The following RAD54B variants were observed in gnomAD, a reference collection of about 807,000 sequenced individuals.
RAD54B encodes the protein RAD54 homolog B.
In RAD54B, 78 loss-of-function variants were observed where a neutral mutation model predicts 95.8. The observed-to-expected ratio is 0.81, with a 90% confidence interval of 0.68 to 0.98. The LOEUF (loss-of-function observed/expected upper bound fraction) is 0.98. Among genes scored for constraint, RAD54B ranks in the 50% least tolerant of loss-of-function variants. The pLI is 0.00. For synonymous variants in RAD54B, 328 were observed against 354.9 expected, an observed-to-expected ratio of 0.92 and a Z score of 0.85; for missense variants, 957 against 1,056.6, an observed-to-expected ratio of 0.91 and a Z score of 1.31.
At chr8:94,409,489 G>T (rs1811476733) in intron 4 of RAD54B, among the ~76,000 whole-genome samples, 1 of 151,802 alleles carries the variant, frequency 6.6e-6, no homozygotes, top group Non-Finnish European at 1.5e-5. Context: ...TCCTGCCTCA[G>T]TCTCCCAAGT....
At chr8:94,394,714 G>T (rs887938632) in intron 8 of RAD54B, among the ~76,000 whole-genome samples, 1 of 152,006 alleles carries the variant, frequency 6.6e-6, no homozygotes, top group Non-Finnish European at 1.5e-5. Context: ...AGTGCCAAAA[G>T]AACATATAAA....
intron 3 of RAD54B, among the ~76,000 whole-genome samples, chr8:94,454,255 G>T (rs1390421941): frequency 1.3e-5 from 2 of 152,108 alleles, no homozygotes; most frequent in South Asian, 2.1e-4. Flanking sequence ...ATTAGTGGTT[G>T]CCAGGGGCTG....
intron 3 of RAD54B, chr8:94,429,137 G>A (rs1812018994): frequency 1.0e-6 from 1 of 983,290 alleles, no homozygotes; most frequent in South Asian, 4.7e-5. Context: ...TGTGATTCTG[G>A]TGTTTAAAAA....
In RAD54B at chr8:94,442,443, C is replaced by T. The variant is rs545869142; in HGVS notation, c.304+15825G>A. 7.4e-3 allele frequency among the ~76,000 whole-genome samples: 1,122 copies of T among 152,018 alleles called. 6 individuals carry two copies. The highest frequency in any genetic ancestry group is 0.011 in the Non-Finnish European group (760 of 67,964). On this transcript the variant is annotated intron_variant, in intron 3 of 14. Transcript: ENST00000336148. ...ACAAAACATTAGCCAGGCGTGGTGGCAGGCGCCTGTAGTCCCAGCTACTCG... is the reference window on the plus strand; with the variant it reads ...ACAAAACATTAGCCAGGCGTGGTGGTAGGCGCCTGTAGTCCCAGCTACTCG...
chr8:94,393,705 C>T (rs781572108), intron 9 of RAD54B, 38 bp downstream of exon 9: 15 of 1,500,668 alleles, frequency 1.0e-5, no homozygotes, highest in East Asian at 4.6e-5. Context: ...CTCAGACATA[C>T]GGCTTTTTAA....
chr8:94,408,452 T>C (rs1811447677), intron 4 of RAD54B, among the ~76,000 whole-genome samples: 1 of 152,126 alleles, frequency 6.6e-6, no homozygotes, highest in Non-Finnish European at 1.5e-5. Flanking sequence ...GTAGTTATTG[T>C]GCCATTACCA....
chr8:94,415,332 G>A (rs1353394838), intron 3 of RAD54B, among the ~76,000 whole-genome samples: 3 of 144,378 alleles, frequency 2.1e-5, no homozygotes, highest in East Asian at 4.1e-4. Context: ...AGCTGAAACT[G>A]GATCCCTTCC....
intron 9 of RAD54B, chr8:94,393,289 A>C (rs1811066001): frequency 6.5e-6 from 1 of 153,164 alleles, no homozygotes; most frequent in South Asian, 2.1e-4. Flanking sequence ...CAAATAGGAG[A>C]CTCTTGTCTA....
chr8:94,393,352 C>T (rs77849399), intron 9 of RAD54B: 5,335 of 170,830 alleles, frequency 0.031, 122 homozygotes, highest in Non-Finnish European at 0.046. Flanking sequence ...CACCTGCAGT[C>T]CCAGCTACTC....
At chr8:94,409,097 T>C (rs900732492) in intron 4 of RAD54B, among the ~76,000 whole-genome samples, 1 of 152,140 alleles carries the variant, frequency 6.6e-6, no homozygotes, top group East Asian at 1.9e-4. Context: ...CTTTCAGTTT[T>C]CTTAGCACCT....
intron 3 of RAD54B, chr8:94,430,709 T>C (rs898700193): frequency 2.2e-6 from 2 of 928,994 alleles, no homozygotes; most frequent in African/African-American, 3.6e-5. Flanking sequence ...TATAATGTTT[T>C]AAAAGCATTT....
At chr8:94,452,893 G>A (rs1262608072) in intron 3 of RAD54B, among the ~76,000 whole-genome samples, 1 of 152,070 alleles carries the variant, frequency 6.6e-6, no homozygotes, top group Non-Finnish European at 1.5e-5. Flanking sequence ...AACTTAGATT[G>A]TCAAATATCA....
chr8:94,405,932 C>T (rs1213889154), intron 5 of RAD54B, among the ~76,000 whole-genome samples: 3 of 151,460 alleles, frequency 2.0e-5, no homozygotes, highest in Middle Eastern at 3.2e-3. Flanking sequence ...AAGTCTACAA[C>T]CTAATTCTAT....
chr8:94,403,091 C>T (rs747795848), intron 6 of RAD54B, among the ~76,000 whole-genome samples: 1 of 152,158 alleles, frequency 6.6e-6, no homozygotes, highest in Non-Finnish European at 1.5e-5. Context: ...AACTTGTCAT[C>T]ATTCAAGGAG....
chr8:94,454,940 A>G (rs548127799), intron 3 of RAD54B, among the ~76,000 whole-genome samples: 196 of 152,302 alleles, frequency 1.3e-3, no homozygotes, highest in African/African-American at 4.4e-3. Context: ...AAAGATTTTT[A>G]TCACTCCCCT....
At chr8:94,416,541 A>G (rs963116997) in intron 3 of RAD54B, among the ~76,000 whole-genome samples, 17 of 152,050 alleles carry the variant, frequency 1.1e-4, no homozygotes, top group African/African-American at 4.1e-4. Context: ...AGAAAAAAAA[A>G]TAAGACAACA....
At chr8:94,436,689 G>T (rs773504784) in intron 3 of RAD54B, 2 of 1,550,546 alleles carry the variant, frequency 1.3e-6, no homozygotes, top group African/African-American at 1.4e-5. Context: ...TTCGAGGAGG[G>T]CGGTCTACTC....
rs1434146270 is a variant in RAD54B, at chr8:94,391,156, AT to A, written c.1809+452del. Among the ~76,000 whole-genome samples, 3 of 152,020 alleles carry A rather than the reference AT, an allele frequency of 2.0e-5. No individual in the cohort carries two copies. The East Asian group carries it at 5.8e-4, about 29-fold the overall frequency. On this transcript the variant is annotated intron_variant, in intron 10 of 14. Transcript: ENST00000336148. ...TTTTCCATGGGTTGAGCTTAAGATGATTTTTATTTTCTTTGTGATTTTCTGA... is the reference window on the plus strand; with the variant it reads ...TTTTCCATGGGTTGAGCTTAAGATGATTTTATTTTCTTTGTGATTTTCTGA...
At chr8:94,445,437 C>T (rs1812498733) in intron 3 of RAD54B, among the ~76,000 whole-genome samples, 1 of 152,148 alleles carries the variant, frequency 6.6e-6, no homozygotes, top group Non-Finnish European at 1.5e-5. Context: ...TTCCGTACTC[C>T]CTCATTCTCC....
Sources: allele counts gnomAD v4.1 joint callset (sites outside exome capture counted in the v4.1 genomes callset), GRCh38; gene constraint gnomAD v4.1.1; transcripts MANE v1.5; gene names NCBI Gene and HGNC (gene_info 2026-07-23, HGNC 2026-07-21).